Variants in VGLL4 observed in about 807,000 individuals in gnomAD.
VGLL4 encodes vestigial like family member 4.
VGLL4 carries 7 observed loss-of-function variants against 21.0 expected under a neutral mutation model. The ratio of observed to expected loss-of-function variants is 0.33; its 90% CI spans 0.19 to 0.63. VGLL4 has a LOEUF of 0.63. Ranked by LOEUF, VGLL4 falls within the 20% of genes least tolerant of loss-of-function variation. The pLI is 0.78. For missense variants in VGLL4, 394 were observed against 425.7 expected (o/e 0.93, Z 0.66); for synonymous variants, 222 against 173.2 (o/e 1.28, Z -2.21).
At chr3:11,683,917 TA>T (rs1363403487) in intron 2 of VGLL4, among the ~76,000 whole-genome samples, 1 of 152,176 alleles carries the variant, frequency 6.6e-6, no homozygotes, top group African/African-American at 2.4e-5. Flanking sequence ...TAGTCTTACT[TA>T]AGGACTTCCC....
chr3:11,704,103 G>A (rs1275656578), intron 1 of VGLL4, among the ~76,000 whole-genome samples: 3 of 147,196 alleles, frequency 2.0e-5, no homozygotes, highest in Non-Finnish European at 1.5e-5. Context: ...AAATTAGGTC[G>A]GGCGTGGTGG....
intron 2 of VGLL4, among the ~76,000 whole-genome samples, chr3:11,698,428 G>A (rs2076634543): frequency 6.6e-6 from 1 of 152,182 alleles, no homozygotes; most frequent in Non-Finnish European, 1.5e-5. Context: ...AGAATCATTT[G>A]AACCCGGGAG....
chr3:11,657,629 G>A (rs2075976390), intron 2 of VGLL4, among the ~76,000 whole-genome samples: 1 of 152,162 alleles, frequency 6.6e-6, no homozygotes, highest in Non-Finnish European at 1.5e-5. Context: ...TCCGTAAAAT[G>A]AAGAGATCTA....
chr3:11,718,590 C>A (rs2076949151), intron 1 of VGLL4, among the ~76,000 whole-genome samples: 1 of 151,124 alleles, frequency 6.6e-6, no homozygotes, highest in African/African-American at 2.5e-5. Flanking sequence ...ACCTTCAAAT[C>A]CTAATAGGCA....
chr3:11,581,867 C>T (rs985966282), intron 2 of VGLL4, among the ~76,000 whole-genome samples: 5 of 152,232 alleles, frequency 3.3e-5, no homozygotes, highest in African/African-American at 1.2e-4. Context: ...GCACCTTGTA[C>T]TCCCCGAATC....
chr3:11,652,710 G>C (rs1365169830), intron 2 of VGLL4, among the ~76,000 whole-genome samples: 3 of 152,156 alleles, frequency 2.0e-5, no homozygotes, highest in Non-Finnish European at 4.4e-5. Flanking sequence ...CTAAGGAATG[G>C]TGTTTTAAAT....
chr3:11,626,389 C>CT (rs1285036170), intron 1 of VGLL4: 1 of 456,800 alleles, frequency 2.2e-6, no homozygotes, highest in Non-Finnish European at 4.4e-6. Context: ...AAGTGCCACT[C>CT]TTTTCTTCAA....
intron 2 of VGLL4, among the ~76,000 whole-genome samples, chr3:11,663,185 G>A (rs2076060282): frequency 6.6e-6 from 1 of 152,148 alleles, no homozygotes; most frequent in African/African-American, 2.4e-5. Context: ...AAGGGGGCTG[G>A]AGGATGAGGA....
chr3:11,601,937 TG>T lies in VGLL4; in HGVS notation c.167del (p.Pro56GlnfsTer18). ...ALSSHRTGPP[P>X]ISPSKRKFSM... ...TGAACTTCCTCTTGCTGGGGCTGAT[TG>T]GGGGAGGGCCGGTGCGGTGACTGCT... On this transcript the variant is annotated frameshift_variant, in exon 2 of 5. Coordinates refer to ENST00000430365, the MANE Select transcript of VGLL4 (RefSeq NM_001128219.3). LOFTEE classifies it high-confidence loss of function. 1 of 1,613,518 alleles carries T rather than the reference TG, an allele frequency of 6.2e-7. No homozygotes were observed. Among genetic ancestry groups the T allele is most frequent in the Non-Finnish European group, 8.5e-7 (1 of 1,179,788 alleles).
Position 11,578,810 on chromosome 3 carries a change from C to T in VGLL4, c.273-13791G>A, listed in dbSNP as rs1032512269. On this transcript the variant is annotated intron_variant, in intron 2 of 4. Transcript: ENST00000430365. ...TGTCACCCAGGCTGGAGTGCAGTGG[C>T]GTGATCTCTGCTCATCGCAAGCTCC... 8.2e-4 allele frequency among the ~76,000 whole-genome samples: 104 copies of T among 127,580 alleles called. 1 individual carries two copies. The highest frequency in any genetic ancestry group is 1.2e-3 in the Non-Finnish European group (79 of 64,286). 83.7% of individuals were successfully genotyped at this position (127,580 alleles called of 152,430 possible).
intron 1 of VGLL4, among the ~76,000 whole-genome samples, chr3:11,715,693 G>C (rs1049100288): frequency 6.6e-6 from 1 of 152,130 alleles, no homozygotes; most frequent in East Asian, 1.9e-4. Flanking sequence ...TTGAATTAGT[G>C]GATATTGAAC....
intron 2 of VGLL4, among the ~76,000 whole-genome samples, chr3:11,570,393 C>T (rs888365121): frequency 5.3e-5 from 8 of 152,216 alleles, no homozygotes; most frequent in African/African-American, 1.9e-4. Context: ...TGTCCCCGGA[C>T]AGTCCTGCCA....
intron 1 of VGLL4, among the ~76,000 whole-genome samples, chr3:11,630,208 A>G (rs2447612): frequency 0.079 from 12,069 of 152,278 alleles, 643 homozygotes; most frequent in Non-Finnish European, 0.12. Context: ...TTTTTTTCAC[A>G]TAGTACCAAT....
intron 2 of VGLL4, among the ~76,000 whole-genome samples, chr3:11,581,490 C>A (rs376384591): frequency 2.0e-5 from 3 of 152,322 alleles, no homozygotes; most frequent in East Asian, 3.9e-4. Context: ...CAGTCACTTA[C>A]TCCACTCTCC....
chr3:11,638,369 G>A (rs1205314775), intron 1 of VGLL4, among the ~76,000 whole-genome samples: 1 of 152,132 alleles, frequency 6.6e-6, no homozygotes, highest in Admixed American at 6.5e-5. Context: ...GAAGCGGGCT[G>A]AGAAACAAGG....
chr3:11,597,397 G>A (rs1273786875), intron 2 of VGLL4, among the ~76,000 whole-genome samples: 1 of 152,080 alleles, frequency 6.6e-6, no homozygotes, highest in African/African-American at 2.4e-5. Context: ...CAGAAATAAT[G>A]TATTTCTCAG....
chr3:11,683,474 C>A (rs751564729), intron 2 of VGLL4, among the ~76,000 whole-genome samples: 4 of 152,154 alleles, frequency 2.6e-5, no homozygotes, highest in African/African-American at 7.2e-5. Context: ...TAAAAAGACA[C>A]CTGCATGTGT....
rs151274149 is a variant in VGLL4 at position 11,702,181 on chromosome 3, G to A, written c.64+790C>T. ...TCTCTAGCTCTCTGCTGGTCAATTA[G>A]TCTATCAACTAACACATATTTATCT... On this transcript the variant is annotated intron_variant, in intron 2 of 5. Coordinates refer to the VGLL4 transcript ENST00000273038. 4.2e-3 allele frequency among the ~76,000 whole-genome samples: 638 copies of A among 152,128 alleles called. 3 individuals are homozygous for A. The highest frequency in any genetic ancestry group is 0.014 in the African/African-American group (594 of 41,504).
chr3:11,645,602 T>TAAAAAAAA (rs1299212281), upstream of VGLL4, among the ~76,000 whole-genome samples: 1 of 30,148 alleles, frequency 3.3e-5, no homozygotes, highest in Non-Finnish European at 7.4e-5. Context: ...AGACTCCGTC[T>TAAAAAAAA]CAAAAAAAAA....
Sources: allele counts gnomAD v4.1 joint callset (sites outside exome capture counted in the v4.1 genomes callset), GRCh38; gene constraint gnomAD v4.1.1; transcripts MANE v1.5; gene names NCBI Gene and HGNC (gene_info 2026-07-23, HGNC 2026-07-21).